Variants in WDR64 observed in about 807,000 individuals in gnomAD.
WDR64 encodes the protein WD repeat-containing protein 64.
WDR64 carries 112 observed loss-of-function variants against 139.3 expected under a neutral mutation model. The observed-to-expected ratio is 0.80, with a 90% CI of 0.69 to 0.94. The LOEUF is 0.94. Ranked by LOEUF, WDR64 falls within the 40% of genes least tolerant of loss-of-function variation. The pLI is 0.00. For missense variants in WDR64, 1,206 were observed against 1,293.1 expected (o/e 0.93, Z 1.03); for synonymous variants, 444 against 437.7 (o/e 1.01, Z -0.18).
chr1:241,749,951 G>A (rs1669920320), intron 14 of WDR64, among the ~76,000 whole-genome samples: 3 of 152,154 alleles, frequency 2.0e-5, no homozygotes, highest in African/African-American at 7.2e-5. Flanking sequence ...TTCCGCTGAA[G>A]GGTTAGTCAG....
intron 1 of WDR64, among the ~76,000 whole-genome samples, chr1:241,655,999 T>C (rs1283396680): frequency 6.6e-6 from 1 of 152,226 alleles, no homozygotes; most frequent in African/African-American, 2.4e-5. Context: ...ACTCCTTCAA[T>C]GTGTTCTAAA....
intron 2 of WDR64, 129 bp downstream of exon 2, chr1:241,660,789 T>C: frequency 1.0e-6 from 1 of 995,174 alleles, no homozygotes; most frequent in East Asian, 2.6e-5. Flanking sequence ...TTTCAATACC[T>C]ACACCCATTA....
chr1:241,705,353 A>G (rs1403967734), intron 8 of WDR64, among the ~76,000 whole-genome samples: 1 of 151,926 alleles, frequency 6.6e-6, no homozygotes, highest in Non-Finnish European at 1.5e-5. Context: ...CATCCCGGCT[A>G]ACACGGTGAA....
chr1:241,779,747 T>G (rs759016505), intron 21 of WDR64, among the ~76,000 whole-genome samples: 8 of 152,120 alleles, frequency 5.3e-5, no homozygotes, highest in Non-Finnish European at 1.0e-4. Flanking sequence ...GAAGAATTGC[T>G]TGAACCCAGG....
At chr1:241,768,906 G>T (rs886468594) in intron 16 of WDR64, among the ~76,000 whole-genome samples, 1 of 152,046 alleles carries the variant, frequency 6.6e-6, no homozygotes. Flanking sequence ...CTCTTTAAGG[G>T]TAATAATATT....
chr1:241,728,471 A>G (rs1255025429), intron 10 of WDR64, among the ~76,000 whole-genome samples: 3 of 152,190 alleles, frequency 2.0e-5, no homozygotes, highest in African/African-American at 7.2e-5. Context: ...AGCTTTCATC[A>G]CATTAAGCAG....
chr1:241,696,113 C>CAA (rs541301982), intron 8 of WDR64, among the ~76,000 whole-genome samples: 2,213 of 22,304 alleles, frequency 0.099, 763 homozygotes, highest in Non-Finnish European at 0.15. Context: ...GACCCAGTAT[C>CAA]AAAAAAAAAA....
At chr1:241,729,480 C>G (rs564388759) in intron 10 of WDR64, among the ~76,000 whole-genome samples, 27 of 152,300 alleles carry the variant, frequency 1.8e-4, no homozygotes, top group Admixed American at 7.8e-4. Context: ...TCTCTAGGGT[C>G]TGGAACAAGA....
chr1:241,798,836 T>C (rs187837486), intron 27 of WDR64, among the ~76,000 whole-genome samples: 137 of 152,308 alleles, frequency 9.0e-4, no homozygotes, highest in Non-Finnish European at 2.1e-4. Context: ...AAATCATTTA[T>C]ACGTCTCTTT....
intron 10 of WDR64, among the ~76,000 whole-genome samples, chr1:241,735,828 T>TCTCC (rs1451708246): frequency 1.2e-5 from 1 of 86,092 alleles, no homozygotes; most frequent in African/African-American, 5.3e-5. Flanking sequence ...TTTCTATCTC[T>TCTCC]CTCTCTCTCT....
chr1:241,710,013 A>G (rs1369159239), intron 8 of WDR64, among the ~76,000 whole-genome samples: 2 of 152,140 alleles, frequency 1.3e-5, no homozygotes, highest in Non-Finnish European at 2.9e-5. Flanking sequence ...TTAAGTGAAA[A>G]AGCAATGAAC....
At chr1:241,694,079 G>C (rs1309935696) in intron 8 of WDR64, among the ~76,000 whole-genome samples, 2 of 151,740 alleles carry the variant, frequency 1.3e-5, no homozygotes, top group East Asian at 3.8e-4. Flanking sequence ...TCCTTTAGGT[G>C]CTCTTGAGCT....
At chr1:241,738,140 C>T (rs1006538910) in intron 10 of WDR64, among the ~76,000 whole-genome samples, 3 of 147,514 alleles carry the variant, frequency 2.0e-5, no homozygotes, top group Non-Finnish European at 3.0e-5. Context: ...TAAAGGTATA[C>T]CTTTAAGCAA....
intron 7 of WDR64, 83 bp from the exon 8 acceptor site, chr1:241,687,378 A>C: frequency 6.6e-7 from 1 of 1,526,566 alleles, no homozygotes; most frequent in East Asian, 2.3e-5. Context: ...ATTCAGTTAC[A>C]GTCAAAGTAA....
intron 26 of WDR64, among the ~76,000 whole-genome samples, chr1:241,795,941 T>G (rs1031429197): frequency 1.3e-5 from 2 of 152,040 alleles, no homozygotes; most frequent in Non-Finnish European, 2.9e-5. Flanking sequence ...ACTATCAAGA[T>G]TTAGTAGTGA....
At chr1:241,782,273 C>T (rs1324015736) in intron 22 of WDR64, among the ~76,000 whole-genome samples, 27 of 152,276 alleles carry the variant, frequency 1.8e-4, no homozygotes, top group African/African-American at 5.8e-4. Context: ...GGCAACAGAG[C>T]GAGACTCTGT....
At chr1:241,672,454 G>T (rs1338584266) in intron 3 of WDR64, among the ~76,000 whole-genome samples, 2 of 152,146 alleles carry the variant, frequency 1.3e-5, no homozygotes, top group South Asian at 4.1e-4. Flanking sequence ...GATGGCAGTT[G>T]CATTCTGTAA....
At chr1:241,783,509 T>C (rs938476957) in intron 23 of WDR64, 128 bp downstream of exon 23, 217 of 672,532 alleles carry the variant, frequency 3.2e-4, no homozygotes, top group Non-Finnish European at 4.7e-4. Context: ...AATAAGTAAA[T>C]AGATGACACA....
intron 9 of WDR64, among the ~76,000 whole-genome samples, chr1:241,722,585 G>A (rs1319520845): frequency 2.0e-5 from 3 of 151,748 alleles, no homozygotes; most frequent in Non-Finnish European, 2.9e-5. Context: ...ATAATTATGC[G>A]GGCATGAGCT....
Sources: gnomAD v4.1 joint callset for allele counts (sites outside exome capture counted in the v4.1 genomes callset) on GRCh38, gnomAD v4.1.1 for gene constraint, MANE v1.5 for transcripts, NCBI Gene and HGNC (gene_info 2026-07-23, HGNC 2026-07-21) for gene names.